Variants in PDE11A observed in about 807,000 individuals in gnomAD.
PDE11A encodes phosphodiesterase 11A.
Under a neutral mutation model 100.5 loss-of-function variants are expected in PDE11A, and 100 were observed. The ratio of observed to expected loss-of-function variants is 1.00; its 90% CI spans 0.85 to 1.18. The LOEUF is 1.18. Ranked by LOEUF, PDE11A falls within the 50% of genes most tolerant of loss-of-function variation. The pLI, the probability that PDE11A is intolerant of heterozygous loss-of-function variation, is 0.00. For synonymous variants in PDE11A, 381 were observed against 420.8 expected (o/e 0.91, Z 1.16); for missense variants, 1,141 against 1,152.6 (o/e 0.99, Z 0.15).
At chr2:177,756,665 A>G (rs2105483654) in intron 10 of PDE11A, among the ~76,000 whole-genome samples, 1 of 152,332 alleles carries the variant, frequency 6.6e-6, no homozygotes, top group African/African-American at 2.4e-5. Context: ...TGAACCTAGT[A>G]GCAAGAGGAA....
At chr2:177,772,339 A>G (rs1413337505) in intron 9 of PDE11A, among the ~76,000 whole-genome samples, 2 of 152,194 alleles carry the variant, frequency 1.3e-5, no homozygotes, top group Non-Finnish European at 2.9e-5. Context: ...ATGCAATACT[A>G]CATGTAAAAT....
At chr2:177,703,908 C>T (rs2081238824) in intron 13 of PDE11A, among the ~76,000 whole-genome samples, 1 of 152,202 alleles carries the variant, frequency 6.6e-6, no homozygotes, top group Non-Finnish European at 1.5e-5. Context: ...TGTTCTATCT[C>T]CCAGTATTTG....
chr2:177,639,505 A>C (rs573314518), intron 19 of PDE11A, among the ~76,000 whole-genome samples: 1 of 152,324 alleles, frequency 6.6e-6, no homozygotes, highest in Admixed American at 6.5e-5. Context: ...GGTTAAGGCT[A>C]GGACAGCTGC....
intron 2 of PDE11A, among the ~76,000 whole-genome samples, chr2:177,915,868 T>C (rs777940215): frequency 1.3e-5 from 2 of 152,186 alleles, no homozygotes; most frequent in Non-Finnish European, 2.9e-5. Context: ...TTCCCTTCAT[T>C]TGGTATTGCT....
intron 3 of PDE11A, chr2:177,899,661 T>G: frequency 1.9e-5 from 4 of 209,028 alleles, no homozygotes; most frequent in Non-Finnish European, 3.0e-5. Context: ...TATATGTAAT[T>G]TACATTTAGT....
intron 19 of PDE11A, among the ~76,000 whole-genome samples, chr2:177,647,808 T>C (rs1362730292): frequency 1.3e-5 from 2 of 152,180 alleles, no homozygotes; most frequent in Non-Finnish European, 2.9e-5. Flanking sequence ...AACTTCTTTT[T>C]CTTAATTTTA....
chr2:177,684,864 A>ATT, intron 15 of PDE11A, among the ~76,000 whole-genome samples: 1 of 152,356 alleles, frequency 6.6e-6, no homozygotes, highest in Non-Finnish European at 1.5e-5. Context: ...GTAGGTTAAA[A>ATT]TAACAGCTGC....
intron 5 of PDE11A, among the ~76,000 whole-genome samples, chr2:177,865,808 T>C (rs751503671): frequency 1.8e-4 from 27 of 152,138 alleles, no homozygotes; most frequent in Non-Finnish European, 2.9e-4. Flanking sequence ...GACAAATCCA[T>C]TGAGGCAGAA....
At chr2:177,860,006 A>T (rs60642430) in intron 5 of PDE11A, among the ~76,000 whole-genome samples, 4 of 151,858 alleles carry the variant, frequency 2.6e-5, no homozygotes, top group Non-Finnish European at 5.9e-5. Context: ...TAAAAAGGAA[A>T]AATAAGGAAT....
chr2:178,018,611 C>T (rs2086369617), intron 1 of PDE11A: 1 of 321,070 alleles, frequency 3.1e-6, no homozygotes, highest in South Asian at 2.9e-5. Context: ...TTGGTGCAAT[C>T]ATAGCTCACT....
chr2:177,712,020 A>G, intron 12 of PDE11A, 142 bp from the exon 13 acceptor site: 2 of 639,014 alleles, frequency 3.1e-6, no homozygotes, highest in Non-Finnish European at 5.7e-6. Flanking sequence ...AGACAACAGT[A>G]AGTTGGGTGG....
At chr2:177,652,645 T>C (rs565117373) in intron 19 of PDE11A, among the ~76,000 whole-genome samples, 1 of 151,606 alleles carries the variant, frequency 6.6e-6, no homozygotes, top group Admixed American at 6.6e-5. Flanking sequence ...GGGATCAGAG[T>C]GGAGGCAGCT....
Position 177,624,690 on chromosome 2 carries a change from C to A in PDE11A, c.*4717G>T, listed in dbSNP as rs766775334. On this transcript the variant is annotated 3_prime_UTR_variant, in exon 20 of 20. Coordinates refer to ENST00000286063, the MANE Select transcript of PDE11A (RefSeq NM_016953.4). ...CATGTGCAATTTTAACTTCTCTTAACTTTATAAATTCACTTCTAAATTAAT... is the reference window on the plus strand; with the variant it reads ...CATGTGCAATTTTAACTTCTCTTAAATTTATAAATTCACTTCTAAATTAAT... 2.0e-5 allele frequency: 3 copies of A among 152,180 alleles called. No individual in the cohort carries two copies. Among genetic ancestry groups the A allele is most frequent in the Non-Finnish European group, 4.4e-5 (3 of 68,032 alleles). The allele number at this position is 152,180 out of a possible 1,614,324, so 9.4% of individuals were successfully genotyped here. A position where few individuals can be genotyped will look rare whatever the true frequency, so the allele number is the denominator to read the frequency against.
intron 10 of PDE11A, among the ~76,000 whole-genome samples, chr2:177,743,863 T>C (rs2081909882): frequency 6.6e-6 from 1 of 152,116 alleles, no homozygotes. Context: ...AAATTCAAGT[T>C]GGAAATGAGA....
intron 3 of PDE11A, among the ~76,000 whole-genome samples, chr2:177,903,761 G>T (rs1251263066): frequency 6.6e-6 from 1 of 152,220 alleles, no homozygotes. Context: ...CACATGATGT[G>T]GTTGGAAGGA....
intron 6 of PDE11A, among the ~76,000 whole-genome samples, chr2:177,832,130 TGATA>T (rs763924825): frequency 7.2e-5 from 11 of 152,202 alleles, no homozygotes; most frequent in South Asian, 2.1e-4. Flanking sequence ...GGCAGTCTCC[TGATA>T]GATAGAAAAA....
intron 2 of PDE11A, among the ~76,000 whole-genome samples, chr2:177,955,531 C>G (rs1296389202): frequency 6.6e-6 from 1 of 152,158 alleles, no homozygotes; most frequent in Admixed American, 6.5e-5. Flanking sequence ...ATTAATGTGT[C>G]TAAGAGACAT....
intron 19 of PDE11A, among the ~76,000 whole-genome samples, chr2:177,650,115 C>G (rs1195037190): frequency 2.6e-5 from 4 of 152,262 alleles, no homozygotes; most frequent in African/African-American, 9.6e-5. Flanking sequence ...CCTCCCACTC[C>G]CCCATCCATA....
At chr2:177,701,250 A>G (rs1304040409) in intron 13 of PDE11A, 39 bp from the exon 14 acceptor site, 1 of 988,752 alleles carries the variant, frequency 1.0e-6, no homozygotes, top group Non-Finnish European at 1.6e-6. Context: ...GGGCCTATCG[A>G]TGGTTCCCCC....
Sources: allele counts gnomAD v4.1 joint callset (sites outside exome capture counted in the v4.1 genomes callset), GRCh38; gene constraint gnomAD v4.1.1; transcripts MANE v1.5; gene names NCBI Gene and HGNC (gene_info 2026-07-23, HGNC 2026-07-21).